Variants in KIR2DL3 observed in about 807,000 individuals in gnomAD.
KIR2DL3 encodes the protein killer cell immunoglobulin-like receptor 2DL3.
A neutral mutation model predicts 33.8 loss-of-function variants in KIR2DL3; 39 were observed. The ratio of observed to expected loss-of-function variants is 1.15; its 90% CI spans 0.89 to 1.51. The LOEUF is 1.51. Among genes scored for constraint, KIR2DL3 ranks in the 40% most tolerant of loss-of-function variants. The pLI is 0.00. For synonymous variants in KIR2DL3, 174 were observed against 160.2 expected (o/e 1.09, Z -0.65); for missense variants, 462 against 426.2 (o/e 1.08, Z -0.74).
intron 3 of KIR2DL3, among the ~76,000 whole-genome samples, chr19:54,743,212 A>G (rs1235403351): frequency 1.3e-5 from 2 of 152,230 alleles, no homozygotes; most frequent in African/African-American, 2.4e-5. Context: ...AAAGATACAT[A>G]GATGATGATT....
chr19:54,743,902 C>T lies in KIR2DL3; in HGVS notation c.478C>T (p.Leu160=), dbSNP rs755297359. The T allele has an allele frequency of 1.8e-4, 283 of 1,613,980 alleles. 1 individual carries two copies. In the East Asian group the frequency reaches 6.1e-3, roughly 35 times the overall value. ...CCGGAGCTCCTATGACATGTACCATCTATCCAGGGAGGGGGAGGCCCATGA... is the reference window on the plus strand; with the variant it reads ...CCGGAGCTCCTATGACATGTACCATTTATCCAGGGAGGGGGAGGCCCATGA... ...SSRSSYDMYH[L]SREGEAHERR... is the part of the protein sequence containing the mutation. The change falls in exon 4 of 8, where the codon CTA becomes TTA. Residue 160 remains leucine (L), a synonymous_variant. Coordinates refer to ENST00000342376, the MANE Select transcript of KIR2DL3 (RefSeq NM_015868.3).
Position 54,752,730 on chromosome 19 carries a change from C to A in KIR2DL3, c.*211C>A, listed in dbSNP as rs2073675817. 5 of 748,456 alleles carry A rather than the reference C, an allele frequency of 6.7e-6. No homozygotes were observed. The highest frequency in any genetic ancestry group is 3.7e-4 in the Middle Eastern group (1 of 2,688). 46.4% of individuals were successfully genotyped at this position (748,456 alleles called of 1,614,324 possible). Reference sequence around the variant, plus strand: ...CTTGCTTACAAATGTCTAAGGTCCCCACTGCCTGCTGGAGAGAAAACACAC... The same window carrying A: ...CTTGCTTACAAATGTCTAAGGTCCCAACTGCCTGCTGGAGAGAAAACACAC... On this transcript the variant is annotated 3_prime_UTR_variant, in exon 8 of 8. Transcript: ENST00000342376.
intron 4 of KIR2DL3, 43 bp downstream of exon 4, chr19:54,744,131 G>C (rs1159499202): frequency 1.2e-6 from 2 of 1,609,748 alleles, no homozygotes; most frequent in Non-Finnish European, 1.7e-6. Context: ...TGATCCTAGA[G>C]CCTTAGCTGA....
At position 54,743,883 on chromosome 19, in the gene KIR2DL3, C is replaced by G; in HGVS notation, c.459C>G (p.Ser153Arg). 2 of 1,613,996 alleles carry G rather than the reference C, an allele frequency of 1.2e-6. No homozygotes were observed. The part of the protein sequence containing the change: ...ESVTLSCSSR[S>R]SYDMYHLSRE... Reference sequence around the variant, plus strand: ...TGACCTTGTCCTGCAGCTCCCGGAGCTCCTATGACATGTACCATCTATCCA... The same window carrying G: ...TGACCTTGTCCTGCAGCTCCCGGAGGTCCTATGACATGTACCATCTATCCA... The change falls in exon 4 of 8, where the codon AGC (serine) becomes AGG (arginine). Residue 153 changes from serine to arginine, a missense_variant. Physicochemically the swap from Ser to Arg is moderately radical, Grantham distance 110 (BLOSUM62 -1). Transcript: ENST00000342376.
intron 2 of KIR2DL3, among the ~76,000 whole-genome samples, chr19:54,739,789 C>G (rs1256108029): frequency 6.6e-6 from 1 of 152,162 alleles, no homozygotes; most frequent in Non-Finnish European, 1.5e-5. Flanking sequence ...GTAGGAACAG[C>G]AGATCCTCTG....
At chr19:54,744,307 G>A (rs2071835304) in intron 4 of KIR2DL3, among the ~76,000 whole-genome samples, 1 of 152,104 alleles carries the variant, frequency 6.6e-6, no homozygotes, top group Non-Finnish European at 1.5e-5. Context: ...CACACAGGCA[G>A]ATGGAGAAAA....
intron 3 of KIR2DL3, among the ~76,000 whole-genome samples, chr19:54,743,307 T>TAG (rs545360655): frequency 1.3e-5 from 2 of 151,846 alleles, no homozygotes; most frequent in Admixed American, 6.6e-5. Flanking sequence ...ACAGAAATCA[T>TAG]AGAGAGAGAG....
In KIR2DL3 at chr19:54,742,130, G is replaced by A. The variant is rs775157107; in HGVS notation, c.221G>A (p.Gly74Glu). 4 of 1,614,020 alleles carry A rather than the reference G, an allele frequency of 2.5e-6. No homozygotes were observed. Among genetic ancestry groups the A allele is most frequent in the South Asian group, 1.1e-5 (1 of 91,072 alleles). Residue 74 changes from glycine (G) to glutamate (E), a missense_variant, in exon 3 of 8, where the codon GGA becomes GAA. Gly to Glu is a moderately conservative substitution (Grantham distance 98). Coordinates refer to ENST00000342376, the MANE Select transcript of KIR2DL3 (RefSeq NM_015868.3). ...TTTAAGGACACTTTGCACCTCATTG[G>A]AGAGCACCATGATGGGGTCTCCAAG... ...GKFKDTLHLI[G>E]EHHDGVSKAN...
intron 4 of KIR2DL3, among the ~76,000 whole-genome samples, chr19:54,745,324 G>T (rs1407717343): frequency 5.3e-5 from 8 of 152,038 alleles, no homozygotes; most frequent in African/African-American, 1.7e-4. Context: ...TAGTGAAATT[G>T]CTGGATACTA....
Position 54,752,790 on chromosome 19 carries a change from G to C in KIR2DL3, c.*271G>C, listed in dbSNP as rs2073684864. On this transcript the variant is annotated 3_prime_UTR_variant, in exon 8 of 8. Transcript: ENST00000342376. ...TAGCCCACAATTCTCCATTTCACTT[G>C]ACCCCTGCCCACCTCTCCAACCTAA... The C allele has an allele frequency of 5.5e-6, 3 of 550,432 alleles. No individual in the cohort carries two copies. The highest frequency in any genetic ancestry group is 9.5e-6 in the Non-Finnish European group (3 of 314,838). The allele number at this position is 550,432 out of a possible 1,614,324, so 34.1% of individuals were successfully genotyped here.
intron 2 of KIR2DL3, among the ~76,000 whole-genome samples, chr19:54,740,230 C>T (rs1942066945): frequency 6.6e-6 from 1 of 151,970 alleles, no homozygotes; most frequent in South Asian, 2.1e-4. Context: ...AGGGCAGTTC[C>T]ACATCCTCCT....
rs368516926 is a variant in KIR2DL3, at chr19:54,752,130, T to C, written c.821-86T>C. The C allele has an allele frequency of 3.6e-3, 4,536 of 1,243,316 alleles. 279 individuals are homozygous for C. The highest frequency in any genetic ancestry group is 0.018 in the African/African-American group (927 of 51,206). 77.0% of individuals were successfully genotyped at this position (1,243,316 alleles called of 1,614,324 possible). ...ACTGAGGGACCTCAGGCTCCTATGG[T>C]CTCCCCCTGTATGTTGGTATCTGCT... On this transcript the variant is annotated intron_variant, in intron 6 of 7. Transcript: ENST00000342376.
At chr19:54,740,899 G>A (rs1260050387) in intron 2 of KIR2DL3, among the ~76,000 whole-genome samples, 33 of 151,894 alleles carry the variant, frequency 2.2e-4, no homozygotes, top group Non-Finnish European at 2.9e-5. Flanking sequence ...GCAGTCCAGT[G>A]GAAGTCTTCA....
intron 2 of KIR2DL3, 126 bp downstream of exon 2, chr19:54,739,668 C>A: frequency 6.6e-7 from 1 of 1,518,306 alleles, no homozygotes; most frequent in Non-Finnish European, 9.1e-7. Flanking sequence ...GTGCTCAGCC[C>A]ACATTTCTGA....
chr19:54,746,992 A>C (rs1462688337), intron 4 of KIR2DL3, among the ~76,000 whole-genome samples: 56 of 134,710 alleles, frequency 4.2e-4, no homozygotes, highest in Middle Eastern at 4.0e-3. Flanking sequence ...AAAAGAAAAA[A>C]GAAAAAAACA....
At chr19:54,746,341 G>A (rs1017786842) in intron 4 of KIR2DL3, among the ~76,000 whole-genome samples, 3 of 137,702 alleles carry the variant, frequency 2.2e-5, no homozygotes, top group African/African-American at 8.0e-5. Flanking sequence ...CAATCTGTGG[G>A]TTGTCTCTTC....
At chr19:54,745,727 C>G (rs2072374794) in intron 4 of KIR2DL3, among the ~76,000 whole-genome samples, 1 of 151,726 alleles carries the variant, frequency 6.6e-6, no homozygotes, top group South Asian at 2.1e-4. Context: ...ATTTACACTC[C>G]TACCAACAGG....
rs1384511287 is a variant in KIR2DL3 at position 54,750,761 on chromosome 19, G to A, written c.716-888G>A. 8.8e-5 allele frequency among the ~76,000 whole-genome samples: 12 copies of A among 136,496 alleles called. No homozygotes were observed. The South Asian group carries it at 3.0e-3, about 34-fold the overall frequency. 89.5% of individuals were successfully genotyped at this position (136,496 alleles called of 152,430 possible). A position where few individuals can be genotyped will look rare whatever the true frequency, so the allele number is the denominator to read the frequency against. ...GGTTCATTACTAACAGATAAGCAGCGAGTGACAACAGAAACCTACATTTCA... is the reference window on the plus strand; with the variant it reads ...GGTTCATTACTAACAGATAAGCAGCAAGTGACAACAGAAACCTACATTTCA... On this transcript the variant is annotated intron_variant, in intron 5 of 7. Coordinates refer to ENST00000342376, the MANE Select transcript of KIR2DL3 (RefSeq NM_015868.3).
Position 54,744,031 on chromosome 19 carries a change from C to T in KIR2DL3, c.607C>T (p.Arg203Cys), listed in dbSNP as rs1257079474. Residue 203 changes from arginine (R) to cysteine (C), a missense_variant, in exon 4 of 8, where the codon CGT becomes TGT. Transcript: ENST00000342376. ...AACCTACAGATGCTTCGGCTCTTTC[C>T]GTGACTCTCCATACGAGTGGTCAAA... ...GGTYRCFGSF[R>C]DSPYEWSNSS... 1.8e-5 allele frequency: 29 copies of T among 1,614,120 alleles called. No homozygotes were observed. The highest frequency in any genetic ancestry group is 1.0e-4 in the Admixed American group (6 of 60,010).
Sources: allele counts gnomAD v4.1 joint callset (sites outside exome capture counted in the v4.1 genomes callset), GRCh38; gene constraint gnomAD v4.1.1; transcripts MANE v1.5; gene names NCBI Gene and HGNC (gene_info 2026-07-23, HGNC 2026-07-21).